CTNND2: variants seen among roughly 807,000 people sequenced by gnomAD.
The protein encoded by CTNND2 is catenin delta 2.
A neutral mutation model predicts 144.4 loss-of-function variants in CTNND2; 22 were observed. The observed-to-expected ratio is 0.15, with a 90% CI of 0.11 to 0.22. The LOEUF (loss-of-function observed/expected upper bound fraction) is 0.22. Ranked by LOEUF, CTNND2 falls within the 10% of genes least tolerant of loss-of-function variation. The pLI is 1.00. For synonymous variants in CTNND2, 751 were observed against 695.6 expected (o/e 1.08, Z -1.25); for missense variants, 1,353 against 1,618.8 (o/e 0.84, Z 2.82).
intron 18 of CTNND2, among the ~76,000 whole-genome samples, chr5:10,999,049 T>C (rs1033649098): frequency 6.6e-6 from 1 of 152,204 alleles, no homozygotes; most frequent in Admixed American, 6.5e-5. Context: ...TCACCACTCA[T>C]TACAAACACC....
intron 16 of CTNND2, among the ~76,000 whole-genome samples, chr5:11,068,674 G>C (rs1747879151): frequency 2.0e-5 from 3 of 152,210 alleles, no homozygotes; most frequent in African/African-American, 7.2e-5. Flanking sequence ...CCAGCACTTT[G>C]GGAAGCCGAG....
intron 3 of CTNND2, among the ~76,000 whole-genome samples, chr5:11,425,916 G>A (rs940038316): frequency 6.6e-6 from 1 of 152,036 alleles, no homozygotes; most frequent in Non-Finnish European, 1.5e-5. Context: ...CGTCAGTTTC[G>A]CCCATCCTCC....
intron 3 of CTNND2, among the ~76,000 whole-genome samples, chr5:11,440,701 G>A (rs897705057): frequency 6.6e-6 from 1 of 152,136 alleles, no homozygotes; most frequent in East Asian, 1.9e-4. Context: ...CTAGAATAAT[G>A]CTAGAGGGCC....
At chr5:11,518,079 G>C (rs32626) in intron 3 of CTNND2, among the ~76,000 whole-genome samples, 2 of 151,896 alleles carry the variant, frequency 1.3e-5, no homozygotes, top group Non-Finnish European at 2.9e-5. Context: ...ACAGTCACAC[G>C]ACGTCACATA....
intron 9 of CTNND2, among the ~76,000 whole-genome samples, chr5:11,241,160 C>A (rs1052994748): frequency 3.9e-5 from 6 of 152,006 alleles, no homozygotes; most frequent in African/African-American, 1.5e-4. Context: ...CTCACACACC[C>A]AACACACACA....
chr5:11,028,096 A>G (rs557531642), intron 16 of CTNND2, among the ~76,000 whole-genome samples: 37 of 152,300 alleles, frequency 2.4e-4, no homozygotes, highest in African/African-American at 8.7e-4. Flanking sequence ...TCCTTCCTAC[A>G]CTTACTATAG....
intron 8 of CTNND2, among the ~76,000 whole-genome samples, chr5:11,363,337 A>T (rs61750680): frequency 0.028 from 4,253 of 152,338 alleles, 253 homozygotes; most frequent in East Asian, 0.15. Flanking sequence ...ATAGAGAATC[A>T]ACATAATCTC....
intron 9 of CTNND2, among the ~76,000 whole-genome samples, chr5:11,293,001 T>G (rs931176478): frequency 1.3e-5 from 2 of 152,192 alleles, no homozygotes; most frequent in Non-Finnish European, 2.9e-5. Context: ...TCAGCCAATG[T>G]GCTAAAATCC....
At chr5:11,358,512 A>G (rs1756130206) in intron 8 of CTNND2, among the ~76,000 whole-genome samples, 1 of 152,220 alleles carries the variant, frequency 6.6e-6, no homozygotes, top group African/African-American at 2.4e-5. Flanking sequence ...ACTTGCTCCA[A>G]TAGGAAGCAC....
intron 16 of CTNND2, among the ~76,000 whole-genome samples, chr5:11,065,577 A>G (rs1346193583): frequency 1.3e-5 from 2 of 152,066 alleles, no homozygotes; most frequent in African/African-American, 2.4e-5. Context: ...CACCCACTCT[A>G]TCTCTTTTTA....
intron 2 of CTNND2, among the ~76,000 whole-genome samples, chr5:11,673,109 T>G (rs1346136917): frequency 2.0e-5 from 3 of 152,162 alleles, no homozygotes; most frequent in Non-Finnish European, 2.9e-5. Context: ...TTTTCCAGTT[T>G]ATCACTTTAA....
intron 1 of CTNND2, among the ~76,000 whole-genome samples, chr5:11,819,245 C>T (rs4235615): frequency 0.82 from 124,496 of 152,052 alleles, 54,499 homozygotes; most frequent in Non-Finnish European, 0.97. Flanking sequence ...ACCAGCCTGG[C>T]CAACGTGGTG....
intron 9 of CTNND2, among the ~76,000 whole-genome samples, chr5:11,269,927 G>T (rs1392852649): frequency 6.6e-6 from 1 of 152,178 alleles, no homozygotes; most frequent in East Asian, 1.9e-4. Context: ...GCCTTGAATT[G>T]CAGGATTATG....
intron 16 of CTNND2, among the ~76,000 whole-genome samples, chr5:11,055,387 G>T (rs1042173018): frequency 1.3e-5 from 2 of 152,172 alleles, no homozygotes; most frequent in African/African-American, 2.4e-5. Context: ...GCCCTGGGGT[G>T]AGACATGGCA....
intron 6 of CTNND2, among the ~76,000 whole-genome samples, chr5:11,390,259 C>G (rs1759518750): frequency 6.6e-6 from 1 of 152,090 alleles, no homozygotes; most frequent in Non-Finnish European, 1.5e-5. Context: ...AGTAGGAGCC[C>G]CTAAGAATAT....
At chr5:11,016,298 A>C (rs1485451391) in intron 18 of CTNND2, among the ~76,000 whole-genome samples, 2 of 152,208 alleles carry the variant, frequency 1.3e-5, no homozygotes, top group African/African-American at 4.8e-5. Flanking sequence ...AGGGAACAGG[A>C]AAATTTTGAA....
At chr5:11,608,200 T>C (rs549135445) in intron 2 of CTNND2, among the ~76,000 whole-genome samples, 68 of 152,236 alleles carry the variant, frequency 4.5e-4, no homozygotes, top group Non-Finnish European at 8.5e-4. Flanking sequence ...AGAAAACACA[T>C]AGTTGAAAGT....
intron 6 of CTNND2, among the ~76,000 whole-genome samples, chr5:11,396,677 C>T (rs987009801): frequency 6.6e-5 from 10 of 151,930 alleles, no homozygotes; most frequent in African/African-American, 1.5e-4. Context: ...GTATTTTTTC[C>T]GAGTACACTC....
intron 9 of CTNND2, among the ~76,000 whole-genome samples, chr5:11,249,749 G>C (rs1304834934): frequency 2.0e-5 from 3 of 151,642 alleles, no homozygotes; most frequent in East Asian, 3.9e-4. Flanking sequence ...GAAAGCTTTT[G>C]AGTGTGGTTA....
Sources: allele counts gnomAD v4.1 joint callset (sites outside exome capture counted in the v4.1 genomes callset), GRCh38; gene constraint gnomAD v4.1.1; transcripts MANE v1.5; gene names NCBI Gene and HGNC (gene_info 2026-07-23, HGNC 2026-07-21).